Variants in UBA2 observed in about 807,000 individuals in gnomAD.
UBA2 encodes the protein SUMO-activating enzyme subunit 2.
UBA2 carries 11 observed loss-of-function variants against 77.2 expected under a neutral mutation model. The ratio of observed to expected loss-of-function variants is 0.14; its 90% CI spans 0.09 to 0.24. The LOEUF is 0.24. Ranked by LOEUF, UBA2 falls within the 10% of genes least tolerant of loss-of-function variation. UBA2 has a pLI of 1.00. For synonymous variants in UBA2, 278 were observed against 276.7 expected (o/e 1.00, Z -0.05); for missense variants, 487 against 781.7 (o/e 0.62, Z 4.50).
chr19:34,463,664 G>A (rs1394683004), intron 14 of UBA2, among the ~76,000 whole-genome samples: 5 of 152,152 alleles, frequency 3.3e-5, no homozygotes, highest in Middle Eastern at 3.4e-3. Context: ...GAGTGCAGTG[G>A]TACAGTCACA....
intron 7 of UBA2, 114 bp from the exon 8 acceptor site, chr19:34,444,884 ATG>A (rs2075411716): frequency 9.9e-7 from 1 of 1,013,752 alleles, no homozygotes; most frequent in South Asian, 1.7e-5. Context: ...TGAACTCAGA[ATG>A]TGTTGCATTT....
chr19:34,441,407 A>T (rs2075367637), intron 6 of UBA2, among the ~76,000 whole-genome samples: 1 of 152,088 alleles, frequency 6.6e-6, no homozygotes, highest in African/African-American at 2.4e-5. Flanking sequence ...GTGAGCTGAG[A>T]TTGCACCACT....
At chr19:34,440,772 C>G (rs550486496) in intron 6 of UBA2, among the ~76,000 whole-genome samples, 1 of 151,788 alleles carries the variant, frequency 6.6e-6, no homozygotes, top group African/African-American at 2.4e-5. Flanking sequence ...ATTAAAAATA[C>G]AAAATTAGCC....
intron 2 of UBA2, 30 bp from the exon 3 acceptor site, chr19:34,431,831 G>A (rs2075259338): frequency 6.3e-7 from 1 of 1,588,278 alleles, no homozygotes; most frequent in Admixed American, 1.7e-5. Flanking sequence ...CAGAAATATT[G>A]TAGTAATTCA....
chr19:34,446,590 A>C (rs1272924814), intron 8 of UBA2, among the ~76,000 whole-genome samples: 2 of 148,464 alleles, frequency 1.3e-5, no homozygotes, highest in Admixed American at 6.8e-5. Context: ...CAGATGTCAC[A>C]TGTTGACTTT....
chr19:34,470,379 G>C lies in UBA2; in HGVS notation c.*1158G>C, dbSNP rs2075725789. 3 of 151,776 alleles carry C rather than the reference G, an allele frequency of 2.0e-5. No individual in the cohort carries two copies. Among genetic ancestry groups the C allele is most frequent in the Admixed American group, 2.0e-4 (3 of 15,232 alleles). 9.4% of individuals were successfully genotyped at this position (151,776 alleles called of 1,614,324 possible). ...AATAAAGCTCTTCCTGCGTGTGGTG[G>C]TGGTGCACATCTGTGTTCCAGCTAC... On this transcript the variant is annotated 3_prime_UTR_variant, in exon 17 of 17. Transcript: ENST00000246548.
At chr19:34,450,462 C>T in intron 9 of UBA2, 98 bp downstream of exon 9, 1 of 768,706 alleles carries the variant, frequency 1.3e-6, no homozygotes. Flanking sequence ...GATATGTCTT[C>T]ATATATTCAA....
chr19:34,459,071 G>A, intron 13 of UBA2, 147 bp downstream of exon 13: 1 of 831,638 alleles, frequency 1.2e-6, no homozygotes, highest in East Asian at 2.9e-5. Context: ...CTGGATTCCT[G>A]CAGGCTTTTC....
intron 14 of UBA2, among the ~76,000 whole-genome samples, chr19:34,461,481 A>G (rs1480084509): frequency 2.0e-5 from 3 of 152,214 alleles, no homozygotes; most frequent in Non-Finnish European, 4.4e-5. Context: ...TTGAGTATTC[A>G]AGCCTCATTC....
intron 3 of UBA2, among the ~76,000 whole-genome samples, chr19:34,432,446 C>G (rs1412081472): frequency 1.3e-5 from 2 of 152,110 alleles, no homozygotes; most frequent in Admixed American, 1.3e-4. Flanking sequence ...CGAAATTGTC[C>G]TTTATCTATG....
intron 2 of UBA2, among the ~76,000 whole-genome samples, chr19:34,431,262 T>TTTTTTTTTTTTTTTTTG: frequency 7.1e-6 from 1 of 140,714 alleles, no homozygotes; most frequent in African/African-American, 2.6e-5. Flanking sequence ...TTTTTTTTTT[T>TTTTTTTTTTTTTTTTTG]TTTTTTAGAG....
chr19:34,459,859 C>T (rs541319127), intron 13 of UBA2, among the ~76,000 whole-genome samples: 4 of 152,262 alleles, frequency 2.6e-5, no homozygotes, highest in East Asian at 1.9e-4. Flanking sequence ...ATGTTTTGGT[C>T]AAGGAAGTGG....
chr19:34,431,244 C>CATTTTTTTTT (rs2075250219), intron 2 of UBA2, among the ~76,000 whole-genome samples: 1 of 69,388 alleles, frequency 1.4e-5, no homozygotes, highest in Non-Finnish European at 2.5e-5. Flanking sequence ...ATTTTCTTTT[C>CATTTTTTTTT]TTTTTTTTTT....
At position 34,431,935 on chromosome 19, in the gene UBA2, T is replaced by A. The variant is rs751039177; in HGVS notation, c.293+4T>A. ...CCTACCATGACAGCATCATGAAGTA[T>A]GCTATAGTGATTACATTGCAAAGTT... On this transcript the variant is annotated splice_donor_region_variant and intron_variant, in intron 3 of 16. Transcript: ENST00000246548. 1 of 1,595,212 alleles carries A rather than the reference T, an allele frequency of 6.3e-7. No homozygotes were observed.
intron 1 of UBA2, among the ~76,000 whole-genome samples, chr19:34,429,750 C>T (rs1020991303): frequency 3.3e-5 from 5 of 151,906 alleles, no homozygotes; most frequent in African/African-American, 9.7e-5. Flanking sequence ...TCAGGAGGAT[C>T]GCTTGAGCCT....
intron 4 of UBA2, 54 bp downstream of exon 4, chr19:34,433,466 A>G (rs948962871): frequency 4.8e-5 from 57 of 1,193,198 alleles, no homozygotes; most frequent in Non-Finnish European, 5.9e-5. Context: ...TCCCATATCA[A>G]ATTTGTTTAC....
rs201995823 is a variant in UBA2, at chr19:34,465,038, C to CA, written c.1604+916dup. Among the ~76,000 whole-genome samples, 343 of 149,570 alleles carry CA rather than the reference C, an allele frequency of 2.3e-3. 3 individuals are homozygous for CA. The highest frequency in any genetic ancestry group is 7.4e-3 in the African/African-American group (302 of 40,754). On this transcript the variant is annotated intron_variant, in intron 15 of 16. Transcript: ENST00000246548. ...GGGTGACAAGAGCAAAACTCCATCT[C>CA]AAAAAAAAAGGAATTGTCTGTACAG...
rs966695472 is a variant in UBA2, at chr19:34,469,329, A to G, written c.*108A>G. 2.1e-5 allele frequency: 21 copies of G among 1,023,628 alleles called. No homozygotes were observed. Among genetic ancestry groups the G allele is most frequent in the Non-Finnish European group, 2.8e-5 (21 of 746,738 alleles). The allele number at this position is 1,023,628 out of a possible 1,614,324, so 63.4% of individuals were successfully genotyped here. On this transcript the variant is annotated 3_prime_UTR_variant, in exon 17 of 17. Transcript: ENST00000246548. ...GAAAAAATTGACAGCAGTGACTTGA[A>G]AATGATTCTGCTCCCTTTGAAAGCA...
chr19:34,445,152 AG>A, intron 8 of UBA2, 31 bp downstream of exon 8: 1 of 1,596,330 alleles, frequency 6.3e-7, no homozygotes. Context: ...AATCATGGAT[AG>A]ATGTATTGTT....
Sources: gnomAD v4.1 joint callset for allele counts (sites outside exome capture counted in the v4.1 genomes callset) on GRCh38, gnomAD v4.1.1 for gene constraint, MANE v1.5 for transcripts, NCBI Gene and HGNC (gene_info 2026-07-23, HGNC 2026-07-21) for gene names.